The following CAMKMT variants were observed in gnomAD, a reference collection of about 807,000 sequenced individuals.
CAMKMT encodes the protein calmodulin-lysine N-methyltransferase.
In CAMKMT, 53 loss-of-function variants were observed where a neutral mutation model predicts 48.0. That is an observed-to-expected ratio of 1.10 (90% CI 0.89 to 1.39). The LOEUF (loss-of-function observed/expected upper bound fraction) is 1.39. Among genes scored for constraint, CAMKMT ranks in the 40% most tolerant of loss-of-function variants. The pLI is 0.00. For synonymous variants in CAMKMT, 165 were observed against 152.3 expected, an observed-to-expected ratio of 1.08 and a Z score of -0.61; for missense variants, 428 against 402.7, an observed-to-expected ratio of 1.06 and a Z score of -0.54.
chr2:44,590,543 C>A (rs548764702), intron 3 of CAMKMT, among the ~76,000 whole-genome samples: 3 of 152,162 alleles, frequency 2.0e-5, no homozygotes, highest in African/African-American at 7.2e-5. Context: ...TTTTTGGCTG[C>A]ATAAATGTCT....
intron 3 of CAMKMT, among the ~76,000 whole-genome samples, chr2:44,614,458 C>G (rs1340520171): frequency 6.6e-6 from 1 of 152,122 alleles, no homozygotes; most frequent in African/African-American, 2.4e-5. Flanking sequence ...GTTTTCCAGG[C>G]ACATGGAAGA....
At chr2:44,538,365 C>G (rs1317210460) in intron 3 of CAMKMT, among the ~76,000 whole-genome samples, 4 of 118,712 alleles carry the variant, frequency 3.4e-5, no homozygotes, top group Non-Finnish European at 8.0e-5. Context: ...GAGACGCCAT[C>G]TCAAAAACAA....
At chr2:44,553,616 TTCCCAAAGTGC>T (rs1483378170) in intron 3 of CAMKMT, among the ~76,000 whole-genome samples, 7 of 152,302 alleles carry the variant, frequency 4.6e-5, no homozygotes, top group African/African-American at 1.7e-4. Flanking sequence ...CCAACTCAGC[TTCCCAAAGTGC>T]TAGAATTACA....
At chr2:44,505,746 C>T (rs925945454) in intron 3 of CAMKMT, among the ~76,000 whole-genome samples, 2 of 152,126 alleles carry the variant, frequency 1.3e-5, no homozygotes, top group African/African-American at 2.4e-5. Context: ...TGGACCCGTG[C>T]AGTTCAAATC....
chr2:44,733,275 A>G (rs1299982355), intron 7 of CAMKMT, among the ~76,000 whole-genome samples: 1 of 152,182 alleles, frequency 6.6e-6, no homozygotes, highest in African/African-American at 2.4e-5. Context: ...GCTATTATAA[A>G]CAGAATGGTT....
At chr2:44,637,200 TTTGTTAGTTCAG>T in intron 3 of CAMKMT, among the ~76,000 whole-genome samples, 1 of 152,366 alleles carries the variant, frequency 6.6e-6, no homozygotes, top group South Asian at 2.1e-4. Flanking sequence ...TTTAGAATAC[TTTGTTAGTTCAG>T]AACATGTTTG....
intron 3 of CAMKMT, among the ~76,000 whole-genome samples, chr2:44,434,923 A>G (rs1248561657): frequency 6.6e-6 from 1 of 152,216 alleles, no homozygotes; most frequent in Non-Finnish European, 1.5e-5. Context: ...ATTTGAGGTC[A>G]AGTCAATTAG....
chr2:44,422,974 AC>A (rs1262217125), intron 3 of CAMKMT, among the ~76,000 whole-genome samples: 1 of 152,082 alleles, frequency 6.6e-6, no homozygotes, highest in Non-Finnish European at 1.5e-5. Context: ...TGTCCATTAC[AC>A]CTTCAGTCTC....
intron 3 of CAMKMT, among the ~76,000 whole-genome samples, chr2:44,459,238 A>G (rs1390151883): frequency 2.0e-5 from 3 of 152,246 alleles, no homozygotes; most frequent in Non-Finnish European, 4.4e-5. Context: ...TATTCAAAAC[A>G]GCTACACAAG....
chr2:44,617,632 G>T (rs1165924433), intron 3 of CAMKMT, among the ~76,000 whole-genome samples: 1 of 152,176 alleles, frequency 6.6e-6, no homozygotes, highest in Non-Finnish European at 1.5e-5. Flanking sequence ...TGCACGATGG[G>T]CTCACTGAGC....
intron 3 of CAMKMT, among the ~76,000 whole-genome samples, chr2:44,527,021 A>T (rs1572718194): frequency 1.3e-5 from 2 of 149,502 alleles, no homozygotes; most frequent in African/African-American, 4.9e-5. Context: ...CCAAAAAGAA[A>T]CCCTATACCC....
chr2:44,631,184 G>C (rs1232863658), intron 3 of CAMKMT, among the ~76,000 whole-genome samples: 2 of 152,110 alleles, frequency 1.3e-5, no homozygotes, highest in Non-Finnish European at 2.9e-5. Flanking sequence ...ACTCATAGGT[G>C]GGAACTGAAC....
At chr2:44,550,410 A>G (rs1486230774) in intron 3 of CAMKMT, among the ~76,000 whole-genome samples, 2 of 151,932 alleles carry the variant, frequency 1.3e-5, no homozygotes, top group East Asian at 3.8e-4. Context: ...AAAAAAAAAG[A>G]AAGAAAAAAG....
At chr2:44,704,482 C>T (rs1339716425) in intron 4 of CAMKMT, 139 bp downstream of exon 4, 1 of 591,670 alleles carries the variant, frequency 1.7e-6, no homozygotes, top group Admixed American at 3.5e-5. Flanking sequence ...AAAAGGAAAA[C>T]AGAAAGAGGG....
chr2:44,675,892 C>T (rs1161418515), intron 3 of CAMKMT, among the ~76,000 whole-genome samples: 1 of 152,166 alleles, frequency 6.6e-6, no homozygotes, highest in Non-Finnish European at 1.5e-5. Context: ...TTTGACCACT[C>T]TGGGTACCGC....
chr2:44,395,906 G>A (rs969420951), intron 3 of CAMKMT, among the ~76,000 whole-genome samples: 7 of 152,154 alleles, frequency 4.6e-5, no homozygotes, highest in Admixed American at 1.3e-4. Flanking sequence ...AATTAAAATA[G>A]TGTGGCATTA....
chr2:44,385,461 C>G (rs1333204339), intron 2 of CAMKMT, among the ~76,000 whole-genome samples: 1 of 151,828 alleles, frequency 6.6e-6, no homozygotes, highest in African/African-American at 2.4e-5. Flanking sequence ...TACTGATGCC[C>G]TTTCTTTCTT....
At chr2:44,719,126 TTA>T (rs1678329344) in intron 7 of CAMKMT, among the ~76,000 whole-genome samples, 4 of 152,300 alleles carry the variant, frequency 2.6e-5, no homozygotes, top group Admixed American at 2.6e-4. Flanking sequence ...CCTCTTTTGG[TTA>T]CCCTGGACCC....
At chr2:44,603,912 A>G (rs1214763666) in intron 3 of CAMKMT, among the ~76,000 whole-genome samples, 3 of 152,230 alleles carry the variant, frequency 2.0e-5, no homozygotes, top group East Asian at 3.8e-4. Context: ...TCAGGAATTT[A>G]TAATCTAGTT....
Sources: gnomAD v4.1 joint callset for allele counts (sites outside exome capture counted in the v4.1 genomes callset) on GRCh38, gnomAD v4.1.1 for gene constraint, MANE v1.5 for transcripts, NCBI Gene and HGNC (gene_info 2026-07-23, HGNC 2026-07-21) for gene names.